Variants in NRXN1 observed in about 807,000 individuals in gnomAD.
NRXN1 encodes the protein neurexin 1, also known as neurexin-1.
In NRXN1, 39 loss-of-function variants were observed where a neutral mutation model predicts 150.9. The ratio of observed to expected loss-of-function variants is 0.26; its 90% confidence interval spans 0.20 to 0.34. The LOEUF is 0.34. Ranked by LOEUF, NRXN1 falls within the 10% of genes least tolerant of loss-of-function variation. The pLI, the probability that NRXN1 is intolerant of heterozygous loss-of-function variation, is 1.00. For synonymous variants in NRXN1, 924 were observed against 757.0 expected (o/e 1.22, Z -3.62); for missense variants, 1,815 against 1,949.9 (o/e 0.93, Z 1.30).
intron 12 of NRXN1, among the ~76,000 whole-genome samples, chr2:50,516,239 C>T (rs1055681512): frequency 8.5e-5 from 13 of 152,090 alleles, no homozygotes; most frequent in African/African-American, 3.1e-4. Context: ...ATGTGGAGTC[C>T]TTATTCAAAA....
chr2:50,662,787 G>A (rs932379528), intron 5 of NRXN1, among the ~76,000 whole-genome samples: 4 of 151,972 alleles, frequency 2.6e-5, no homozygotes, highest in African/African-American at 9.7e-5. Flanking sequence ...GTATCAGAGA[G>A]TAAGGTCCAA....
At chr2:50,098,870 T>G (rs868541379) in intron 18 of NRXN1, among the ~76,000 whole-genome samples, 2,427 of 62,988 alleles carry the variant, frequency 0.039, 142 homozygotes, top group African/African-American at 0.15. Context: ...TTTTTTTTTT[T>G]TTTTTTTTTT....
At chr2:50,960,430 A>G (rs1269585498) in intron 2 of NRXN1, among the ~76,000 whole-genome samples, 3 of 151,132 alleles carry the variant, frequency 2.0e-5, no homozygotes, top group Non-Finnish European at 4.4e-5. Context: ...ATTTTAAATG[A>G]TTTGAAACCT....
intron 17 of NRXN1, among the ~76,000 whole-genome samples, chr2:50,422,702 C>G (rs867644708): frequency 6.6e-6 from 1 of 152,126 alleles, no homozygotes; most frequent in African/African-American, 2.4e-5. Flanking sequence ...AGATTTGATT[C>G]GTGATGTGCT....
intron 18 of NRXN1, among the ~76,000 whole-genome samples, chr2:50,198,026 C>A (rs768067173): frequency 1.3e-5 from 2 of 152,106 alleles, no homozygotes; most frequent in Non-Finnish European, 2.9e-5. Context: ...ACAACTCCCT[C>A]CTTATTCTAT....
chr2:51,012,157 T>C (rs902732891), intron 2 of NRXN1, among the ~76,000 whole-genome samples: 1 of 152,120 alleles, frequency 6.6e-6, no homozygotes, highest in African/African-American at 2.4e-5. Flanking sequence ...AACTTTCAGG[T>C]TTCCTCACTT....
At chr2:50,764,894 C>T (rs1040636099) in intron 5 of NRXN1, among the ~76,000 whole-genome samples, 3 of 152,014 alleles carry the variant, frequency 2.0e-5, no homozygotes, top group Non-Finnish European at 4.4e-5. Context: ...CCAAGAGGAG[C>T]ACATCTGTAA....
At chr2:50,815,766 A>C (rs953253216) in intron 5 of NRXN1, among the ~76,000 whole-genome samples, 2 of 152,198 alleles carry the variant, frequency 1.3e-5, no homozygotes, top group African/African-American at 4.8e-5. Flanking sequence ...TTCATAGAAA[A>C]GCATTATTTT....
chr2:50,479,508 T>C (rs1485889828), intron 15 of NRXN1, among the ~76,000 whole-genome samples: 2 of 152,228 alleles, frequency 1.3e-5, no homozygotes, highest in East Asian at 3.8e-4. Context: ...AACCATTAGT[T>C]TATACATTAT....
intron 8 of NRXN1, among the ~76,000 whole-genome samples, chr2:50,605,769 C>G (rs74494196): frequency 0.13 from 20,452 of 151,814 alleles, 1,525 homozygotes; most frequent in East Asian, 0.21. Context: ...ATTATTATAT[C>G]ATGCAGCAAT....
intron 21 of NRXN1, among the ~76,000 whole-genome samples, chr2:50,028,855 A>T (rs866142806): frequency 3.2e-4 from 48 of 152,232 alleles, no homozygotes; most frequent in African/African-American, 1.1e-3. Flanking sequence ...TGATAAAATA[A>T]TCTTGGAATC....
intron 8 of NRXN1, among the ~76,000 whole-genome samples, chr2:50,575,755 G>A (rs183922595): frequency 7.9e-5 from 12 of 152,260 alleles, no homozygotes; most frequent in Admixed American, 2.0e-4. Flanking sequence ...CACCATGTCT[G>A]ACTTGTAGAA....
At chr2:50,005,834 G>A (rs906518400) in intron 21 of NRXN1, among the ~76,000 whole-genome samples, 3 of 152,078 alleles carry the variant, frequency 2.0e-5, no homozygotes, top group Non-Finnish European at 2.9e-5. Flanking sequence ...TGCCTCAGAC[G>A]CATTTCTGCT....
intron 1 of NRXN1, among the ~76,000 whole-genome samples, chr2:51,030,569 C>G (rs913715060): frequency 7.9e-6 from 1 of 126,858 alleles, no homozygotes; most frequent in Non-Finnish European, 1.7e-5. Context: ...CACACACACA[C>G]ACAGTGTGGG....
intron 5 of NRXN1, among the ~76,000 whole-genome samples, chr2:50,684,409 G>A (rs1415589222): frequency 1.3e-5 from 2 of 152,064 alleles, no homozygotes; most frequent in African/African-American, 4.8e-5. Context: ...GGCTAAGGTG[G>A]GAAGATCTCT....
intron 2 of NRXN1, among the ~76,000 whole-genome samples, chr2:50,988,967 T>C (rs1257335572): frequency 3.9e-5 from 6 of 151,930 alleles, no homozygotes; most frequent in Admixed American, 1.3e-4. Flanking sequence ...TTTCAATTTA[T>C]TTATTTTCTG....
At chr2:50,869,791 C>A (rs1677487723) in intron 5 of NRXN1, among the ~76,000 whole-genome samples, 1 of 151,790 alleles carries the variant, frequency 6.6e-6, no homozygotes, top group Non-Finnish European at 1.5e-5. Context: ...ACATTCTTAG[C>A]CCTGTTATTA....
At chr2:50,524,723 G>A (rs1197694621) in intron 12 of NRXN1, among the ~76,000 whole-genome samples, 1 of 151,966 alleles carries the variant, frequency 6.6e-6, no homozygotes, top group Non-Finnish European at 1.5e-5. Flanking sequence ...TAGTTGATAG[G>A]AGCAAGTTTA....
intron 5 of NRXN1, chr2:50,917,377 C>T (rs1048683463): frequency 9.9e-5 from 15 of 151,580 alleles, no homozygotes; most frequent in Non-Finnish European, 1.3e-4. Flanking sequence ...AAGCATAAAA[C>T]AAATATGCAT....
Sources: gnomAD v4.1 joint callset for allele counts (sites outside exome capture counted in the v4.1 genomes callset) on GRCh38, gnomAD v4.1.1 for gene constraint, MANE v1.5 for transcripts, NCBI Gene and HGNC (gene_info 2026-07-23, HGNC 2026-07-21) for gene names.